Variants in TTC39B observed in about 807,000 individuals in gnomAD.
TTC39B encodes the protein tetratricopeptide repeat domain 39B, also known as tetratricopeptide repeat protein 39B.
Under a neutral mutation model 96.6 loss-of-function variants are expected in TTC39B, and 92 were observed. The observed-to-expected ratio is 0.95, with a 90% CI of 0.80 to 1.13. The LOEUF is 1.13. Ranked by LOEUF, TTC39B falls within the 50% of genes most tolerant of loss-of-function variation. TTC39B has a pLI of 0.00. For missense variants in TTC39B, 955 were observed against 809.3 expected, an observed-to-expected ratio of 1.18 and a Z score of -2.18; for synonymous variants, 367 against 299.4, an observed-to-expected ratio of 1.23 and a Z score of -2.33.
At chr9:15,300,314 T>C (rs1463159124) in intron 1 of TTC39B, among the ~76,000 whole-genome samples, 1 of 152,098 alleles carries the variant, frequency 6.6e-6, no homozygotes, top group African/African-American at 2.4e-5. Flanking sequence ...AACCCAGAAT[T>C]ATTACTCAAT....
intron 1 of TTC39B, among the ~76,000 whole-genome samples, chr9:15,270,188 T>C (rs1202088820): frequency 6.7e-6 from 1 of 149,550 alleles, no homozygotes; most frequent in Non-Finnish European, 1.5e-5. Context: ...AAAAAAAAAG[T>C]TGTAAACAGT....
chr9:15,287,722 G>T (rs1289863202), intron 1 of TTC39B, among the ~76,000 whole-genome samples: 2 of 152,096 alleles, frequency 1.3e-5, no homozygotes, highest in African/African-American at 4.8e-5. Flanking sequence ...TGGGCGCAGT[G>T]GCTCACAAGG....
In TTC39B at chr9:15,186,924, A is replaced by G; in HGVS notation, c.1487+20T>C. The stretch of plus-strand genomic sequence containing the variant: ...TTTATACCCTCAGAGCCTTTGTTAT[A>G]GGAATAGTGTCTCACATACCTGAAT... On this transcript the variant is annotated intron_variant, in intron 15 of 19. Transcript: ENST00000512701. The G allele has an allele frequency of 6.2e-7, 1 of 1,607,524 alleles. No homozygotes were observed. The highest frequency in any genetic ancestry group is 8.5e-7 in the Non-Finnish European group (1 of 1,174,338).
chr9:15,299,702 C>G (rs1345131442), intron 1 of TTC39B, among the ~76,000 whole-genome samples: 1 of 152,140 alleles, frequency 6.6e-6, no homozygotes, highest in African/African-American at 2.4e-5. Flanking sequence ...ACTGGGGCAT[C>G]CAAGACTGGA....
exon 9 of TTC39B, chr9:15,192,642 A>G (rs769302939): frequency 6.2e-7 from 1 of 1,614,176 alleles, no homozygotes; most frequent in Non-Finnish European, 8.5e-7. Context: ...CTCATAGAAG[A>G]ATTCCTGCTG....
At chr9:15,232,044 G>A (rs1821452632) in intron 2 of TTC39B, among the ~76,000 whole-genome samples, 1 of 152,110 alleles carries the variant, frequency 6.6e-6, no homozygotes, top group African/African-American at 2.4e-5. Context: ...GGGCAAGCTA[G>A]GGAATCCAGT....
At chr9:15,226,078 T>C in intron 2 of TTC39B, 66 bp from the exon 3 acceptor site, 1 of 1,352,264 alleles carries the variant, frequency 7.4e-7, no homozygotes, top group Non-Finnish European at 1.0e-6. Flanking sequence ...TCTACACCAG[T>C]GCAATTACAC....
At chr9:15,199,340 G>T (rs1819371033) in intron 8 of TTC39B, among the ~76,000 whole-genome samples, 1 of 152,156 alleles carries the variant, frequency 6.6e-6, no homozygotes, top group Non-Finnish European at 1.5e-5. Context: ...TTTATTTTCA[G>T]CTAGCTCTTA....
At chr9:15,288,155 C>A (rs1306553254) in intron 1 of TTC39B, among the ~76,000 whole-genome samples, 1 of 151,976 alleles carries the variant, frequency 6.6e-6, no homozygotes, top group Non-Finnish European at 1.5e-5. Flanking sequence ...TGTTTTCTAT[C>A]AAAGTTGTGA....
chr9:15,301,598 T>C (rs189945340), intron 1 of TTC39B, among the ~76,000 whole-genome samples: 2 of 151,728 alleles, frequency 1.3e-5, no homozygotes, highest in African/African-American at 4.8e-5. Flanking sequence ...CTATTAAAAA[T>C]ACAAAAAATT....
intron 2 of TTC39B, among the ~76,000 whole-genome samples, chr9:15,264,505 T>G (rs1823053231): frequency 6.6e-6 from 1 of 151,724 alleles, no homozygotes; most frequent in African/African-American, 2.4e-5. Context: ...AATACAAAAA[T>G]TAGCTGGACG....
At chr9:15,226,839 G>A in intron 2 of TTC39B, among the ~76,000 whole-genome samples, 1 of 151,992 alleles carries the variant, frequency 6.6e-6, no homozygotes, top group East Asian at 1.9e-4. Context: ...AGTAAGTCCT[G>A]CCCTGTATTA....
chr9:15,195,430 G>C (rs1159970490), intron 8 of TTC39B, among the ~76,000 whole-genome samples: 1 of 152,118 alleles, frequency 6.6e-6, no homozygotes, highest in Admixed American at 6.6e-5. Context: ...TAGCACTTTG[G>C]GTGGCCAAGG....
chr9:15,290,179 A>G (rs1048246363), intron 1 of TTC39B, among the ~76,000 whole-genome samples: 5 of 152,358 alleles, frequency 3.3e-5, no homozygotes, highest in Middle Eastern at 3.4e-3. Flanking sequence ...TTATAGGATG[A>G]TAGAAATGTT....
At chr9:15,307,105 T>C (rs770092794) in exon 1 of TTC39B, 2 of 1,610,614 alleles carry the variant, frequency 1.2e-6, no homozygotes, top group Admixed American at 3.3e-5. Context: ...CCAGCTCCGC[T>C]CGGCTGCCTA....
intron 2 of TTC39B, among the ~76,000 whole-genome samples, chr9:15,246,717 G>C (rs1822296382): frequency 6.6e-6 from 1 of 152,220 alleles, no homozygotes; most frequent in African/African-American, 2.4e-5. Flanking sequence ...CAAAGCCCCT[G>C]ACAACAGTTC....
chr9:15,272,426 A>G (rs1823390110), intron 1 of TTC39B, among the ~76,000 whole-genome samples: 1 of 152,104 alleles, frequency 6.6e-6, no homozygotes, highest in South Asian at 2.1e-4. Context: ...ACTCCTTCCA[A>G]CATAAGTAAA....
At chr9:15,296,362 T>C (rs1468154828) in intron 1 of TTC39B, among the ~76,000 whole-genome samples, 2 of 152,194 alleles carry the variant, frequency 1.3e-5, no homozygotes, top group African/African-American at 4.8e-5. Flanking sequence ...ACCTTAGAAA[T>C]GGGGTTGGGA....
intron 2 of TTC39B, among the ~76,000 whole-genome samples, chr9:15,246,159 A>G (rs1822264031): frequency 1.3e-5 from 2 of 152,220 alleles, no homozygotes; most frequent in Admixed American, 1.3e-4. Context: ...AGTCTGAGGC[A>G]GGAGAATTGC....
Sources: allele counts gnomAD v4.1 joint callset (sites outside exome capture counted in the v4.1 genomes callset), GRCh38; gene constraint gnomAD v4.1.1; transcripts MANE v1.5; gene names NCBI Gene and HGNC (gene_info 2026-07-23, HGNC 2026-07-21).